Variants in FHIT observed in about 807,000 individuals in gnomAD.
FHIT encodes the protein fragile histidine triad diadenosine triphosphatase.
FHIT carries 19 observed loss-of-function variants against 17.9 expected under a neutral mutation model. The ratio of observed to expected loss-of-function variants is 1.06; its 90% CI spans 0.74 to 1.56. The LOEUF (loss-of-function observed/expected upper bound fraction) is 1.56, where lower values mean the gene tolerates loss of function less well. FHIT is among the 40% of genes most tolerant of loss of function. The pLI, the probability that FHIT is intolerant of heterozygous loss-of-function variation, is 0.00. For synonymous variants in FHIT, 81 were observed against 69.7 expected (o/e 1.16, Z -0.81); for missense variants, 248 against 189.2 (o/e 1.31, Z -1.82).
chr3:60,713,187 T>G (rs2041587336), intron 4 of FHIT, among the ~76,000 whole-genome samples: 1 of 151,974 alleles, frequency 6.6e-6, no homozygotes, highest in South Asian at 2.1e-4. Flanking sequence ...ACTGGGTACA[T>G]AATGAAATGA....
chr3:60,600,428 C>T (rs937602422), intron 4 of FHIT, among the ~76,000 whole-genome samples: 19 of 152,136 alleles, frequency 1.2e-4, no homozygotes, highest in African/African-American at 4.6e-4. Flanking sequence ...CAGAATCACA[C>T]TCCCCACCTC....
At chr3:60,784,969 C>G (rs936694361) in intron 4 of FHIT, among the ~76,000 whole-genome samples, 2 of 151,850 alleles carry the variant, frequency 1.3e-5, no homozygotes, top group Non-Finnish European at 2.9e-5. Flanking sequence ...GTGAGACAGA[C>G]ATTTCTGTTG....
At chr3:59,838,992 T>A (rs570559515) in intron 8 of FHIT, among the ~76,000 whole-genome samples, 1 of 152,136 alleles carries the variant, frequency 6.6e-6, no homozygotes, top group South Asian at 2.1e-4. Context: ...AAAAAAGAGA[T>A]CTATTCCACA....
At chr3:60,977,071 T>C (rs1260932761) in intron 3 of FHIT, among the ~76,000 whole-genome samples, 3 of 152,220 alleles carry the variant, frequency 2.0e-5, no homozygotes, top group Non-Finnish European at 4.4e-5. Flanking sequence ...GACACCCATG[T>C]CACATTTACT....
chr3:60,568,167 T>C (rs1429436554), intron 4 of FHIT, among the ~76,000 whole-genome samples: 1 of 152,184 alleles, frequency 6.6e-6, no homozygotes, highest in East Asian at 1.9e-4. Context: ...CACATGTTTA[T>C]TGCGGCACTA....
At chr3:60,860,028 G>A (rs1223828262) in intron 3 of FHIT, among the ~76,000 whole-genome samples, 1 of 83,298 alleles carries the variant, frequency 1.2e-5, no homozygotes, top group Non-Finnish European at 2.5e-5. Context: ...TGGTGAAGAA[G>A]TGGGACTACA....
In FHIT at chr3:60,441,794, A is replaced by ATGTG. The variant is rs369962868; in HGVS notation, c.103+95065_103+95066insCACA. Among the ~76,000 whole-genome samples the ATGTG allele has an allele frequency of 1.7e-3, 79 of 47,060 alleles. 4 individuals carry two copies. Among genetic ancestry groups the ATGTG allele is most frequent in the Middle Eastern group, 0.011 (1 of 88 alleles). 30.9% of individuals were successfully genotyped at this position (47,060 alleles called of 152,430 possible). ...TTTATATGTATAAAAATATATATAT[A>ATGTG]TATATATATATATATATATATCAGG... On this transcript the variant is annotated intron_variant, in intron 5 of 9. Coordinates refer to ENST00000492590, the MANE Select transcript of FHIT (RefSeq NM_002012.4).
rs187205821 is a variant in FHIT at position 60,029,122 on chromosome 3, G to A, written c.104-14970C>T. Among the ~76,000 whole-genome samples the A allele has an allele frequency of 5.1e-3, 776 of 152,206 alleles. 5 individuals are homozygous for A. Among genetic ancestry groups the A allele is most frequent in the Middle Eastern group, 0.014 (4 of 294 alleles). On this transcript the variant is annotated intron_variant, in intron 5 of 9. Coordinates refer to ENST00000492590, the MANE Select transcript of FHIT (RefSeq NM_002012.4). ...CAGTGTACTAAATTAGTATTAGTTC[G>A]TTTTTTACTTCTTTCATTATATTTT... is the stretch of plus-strand genomic sequence containing the variant.
At chr3:60,535,810 T>C (rs1452370554) in intron 5 of FHIT, 1 of 29,830 alleles carries the variant, frequency 3.4e-5, no homozygotes, top group African/African-American at 1.1e-4. Flanking sequence ...CTTATTTGTA[T>C]TTTTTTTTTT....
intron 5 of FHIT, among the ~76,000 whole-genome samples, chr3:60,482,191 C>G (rs1243028457): frequency 6.6e-6 from 1 of 152,088 alleles, no homozygotes; most frequent in Non-Finnish European, 1.5e-5. Flanking sequence ...TCTTACAGAC[C>G]TACAAAGAGA....
rs958352355 is a variant in FHIT, at chr3:60,131,027, A to G, written c.104-116875T>C. Among the ~76,000 whole-genome samples the G allele has an allele frequency of 2.9e-5, 3 of 101,932 alleles. No homozygotes were observed. The Admixed American group carries it at 3.7e-4, about 13-fold the overall frequency. The allele number at this position is 101,932 out of a possible 152,430, so 66.9% of individuals were successfully genotyped here. A position where few individuals can be genotyped will look rare whatever the true frequency, so the allele number is the denominator to read the frequency against. On this transcript the variant is annotated intron_variant, in intron 5 of 9. Transcript: ENST00000492590. ...CATATGTGTATATATACACATATAT[A>G]CATATGTGTATATATACACATATAT...
chr3:60,746,628 A>G (rs1349679910), intron 4 of FHIT, among the ~76,000 whole-genome samples: 2 of 152,150 alleles, frequency 1.3e-5, no homozygotes, highest in African/African-American at 4.8e-5. Context: ...AAGGGTATGG[A>G]GGGAATGTGA....
chr3:60,226,472 CAAA>C (rs1189100387), intron 5 of FHIT, among the ~76,000 whole-genome samples: 702 of 70,160 alleles, frequency 0.01, 18 homozygotes, highest in African/African-American at 0.036. Flanking sequence ...AACTCCGTCT[CAAA>C]AAAAAAAAAA....
chr3:61,233,272 G>A (rs1208126285), intron 1 of FHIT, among the ~76,000 whole-genome samples: 2 of 151,592 alleles, frequency 1.3e-5, no homozygotes, highest in African/African-American at 4.8e-5. Context: ...ATTCACTGCA[G>A]AATTATTTAT....
At chr3:60,847,992 T>G (rs752825216) in intron 3 of FHIT, among the ~76,000 whole-genome samples, 4 of 152,140 alleles carry the variant, frequency 2.6e-5, no homozygotes, top group Admixed American at 6.5e-5. Context: ...TTTTCCTCTT[T>G]CCCCTAGTTT....
At chr3:60,962,490 G>C (rs535478908) in intron 3 of FHIT, among the ~76,000 whole-genome samples, 115 of 152,228 alleles carry the variant, frequency 7.6e-4, no homozygotes, top group Admixed American at 4.6e-3. Context: ...GGTGAAAGAG[G>C]GCATCTCTGT....
rs1056104532 is a variant in FHIT at position 61,166,662 on chromosome 3, C to A, written c.-164+33955G>T. Among the ~76,000 whole-genome samples the A allele has an allele frequency of 2.0e-5, 3 of 152,156 alleles. No individual in the cohort carries two copies. In the East Asian group the frequency reaches 5.8e-4, roughly 29 times the overall value. On this transcript the variant is annotated intron_variant, in intron 2 of 9. Transcript: ENST00000492590. ...CCAATCTTTCTAAAAACCAACTTTCCAAATATCCACTTGTAACACAGAAAA... is the reference window on the plus strand; with the variant it reads ...CCAATCTTTCTAAAAACCAACTTTCAAAATATCCACTTGTAACACAGAAAA...
At chr3:60,017,935 C>G (rs932845688) in intron 5 of FHIT, among the ~76,000 whole-genome samples, 1 of 152,188 alleles carries the variant, frequency 6.6e-6, no homozygotes, top group African/African-American at 2.4e-5. Flanking sequence ...TGGCTTTCCC[C>G]CACTTTCCAT....
At chr3:60,080,506 T>A (rs914623051) in intron 5 of FHIT, among the ~76,000 whole-genome samples, 2 of 152,176 alleles carry the variant, frequency 1.3e-5, no homozygotes, top group African/African-American at 2.4e-5. Context: ...CTTGCTTCAT[T>A]TCATCCAGGC....
Sources: gnomAD v4.1 joint callset for allele counts (sites outside exome capture counted in the v4.1 genomes callset) on GRCh38, gnomAD v4.1.1 for gene constraint, MANE v1.5 for transcripts, NCBI Gene and HGNC (gene_info 2026-07-23, HGNC 2026-07-21) for gene names.